SENP6: variants seen among roughly 807,000 people sequenced by gnomAD.
SENP6 encodes the protein sentrin-specific protease 6.
In SENP6, 41 loss-of-function variants were observed where a neutral mutation model predicts 134.5. That is an observed-to-expected ratio of 0.30 (90% CI 0.24 to 0.40). The LOEUF (loss-of-function observed/expected upper bound fraction) is 0.40. SENP6 is among the 10% of genes least tolerant of loss of function. SENP6 has a pLI of 1.00. For synonymous variants in SENP6, 395 were observed against 429.8 expected (o/e 0.92, Z 1.00); for missense variants, 1,248 against 1,312.5 (o/e 0.95, Z 0.76).
chr6:75,695,824 T>G lies in SENP6; in HGVS notation c.2096T>G (p.Leu699Arg). ...FYLKYLVLEK[L>R]KKEDADRIHI... ...AATAGATACTTGGTGCTTGAAAAAC[T>G]GAAGAAGGAAGACGCTGACCGAATT... Residue 699 changes from leucine (L) to arginine (R), a missense_variant, in exon 17 of 24, where the codon CTG becomes CGG. Physicochemically the swap from Leu to Arg is moderately radical, Grantham distance 102. Around this residue, in one of 3 missense-constraint regions of SENP6, gnomAD observed 129 missense variants for 192.0 expected, o/e 0.67. Coordinates refer to ENST00000447266, the MANE Select transcript of SENP6 (RefSeq NM_015571.4). 2 of 1,595,274 alleles carry G rather than the reference T, an allele frequency of 1.3e-6. No individual in the cohort carries two copies. Among genetic ancestry groups the G allele is most frequent in the Non-Finnish European group, 8.5e-7 (1 of 1,171,848 alleles).
chr6:75,665,253 T>A (rs1042557028), intron 9 of SENP6, among the ~76,000 whole-genome samples: 1 of 150,282 alleles, frequency 6.7e-6, no homozygotes, highest in Non-Finnish European at 1.5e-5. Flanking sequence ...GCCACTGCGC[T>A]CCAGCCTGGG....
chr6:75,677,381 CT>C (rs1773163296), intron 14 of SENP6, 125 bp downstream of exon 14: 1 of 765,606 alleles, frequency 1.3e-6, no homozygotes, highest in African/African-American at 1.8e-5. Flanking sequence ...GAATTACTTA[CT>C]TTTATGTGTG....
intron 8 of SENP6, among the ~76,000 whole-genome samples, chr6:75,660,080 A>G (rs2149861666): frequency 6.6e-6 from 1 of 152,318 alleles, no homozygotes; most frequent in Non-Finnish European, 1.5e-5. Context: ...CTTTCAATAG[A>G]AATAATTTCA....
Position 75,634,814 on chromosome 6 carries a change from A to G in SENP6, c.458+3A>G. 6.4e-7 allele frequency: 1 copy of G among 1,561,366 alleles called. No individual in the cohort carries two copies. Among genetic ancestry groups the G allele is most frequent in the South Asian group, 1.2e-5 (1 of 86,052 alleles). ...GTAGTAAAAACAGCAGCCCAAAGGT[A>G]AGAATTCTAATTGTCTTTGGTTAGT... On this transcript the variant is annotated splice_donor_region_variant and intron_variant, in intron 5 of 23. Transcript: ENST00000447266.
At chr6:75,681,210 T>A (rs1459853156) in intron 16 of SENP6, among the ~76,000 whole-genome samples, 1 of 152,070 alleles carries the variant, frequency 6.6e-6, no homozygotes, top group Non-Finnish European at 1.5e-5. Context: ...GGGGGCAGAT[T>A]TCCCCCTTTC....
In SENP6 at chr6:75,633,346, A is replaced by G. The variant is rs3737206; in HGVS notation, c.208-235A>G. 3.7e-3 allele frequency among the ~76,000 whole-genome samples: 564 copies of G among 152,310 alleles called. 13 individuals are homozygous for G. Among genetic ancestry groups the G allele is most frequent in the East Asian group, 0.029 (148 of 5,182 alleles). On this transcript the variant is annotated intron_variant, in intron 3 of 23. Transcript: ENST00000447266. ...CCTAATTGTCTCAAATATCTTTGGA[A>G]AGATTCACATGAAAAGAAAGTAATA...
chr6:75,640,694 C>A lies in SENP6; in HGVS notation c.469C>A (p.Arg157=). The A allele has an allele frequency of 6.6e-7, 1 of 1,516,320 alleles. No individual in the cohort carries two copies. The highest frequency in any genetic ancestry group is 1.4e-5 in the South Asian group (1 of 73,324). The allele number at this position is 1,516,320 out of a possible 1,614,324, so 93.9% of individuals were successfully genotyped here. Residue 157 remains arginine, a synonymous_variant, in exon 6 of 24, where the codon CGA becomes AGA. Transcript: ENST00000447266. The stretch of plus-strand genomic sequence containing the variant: ...TTTTCATGTTTTAAGCAGTCTGGAC[C>A]GAAAAGAAAGGTAAGCTTAATATTG... ...VKTAAQSSLD[R]KERKEYPPHV...
intron 6 of SENP6, chr6:75,647,413 C>T (rs1478315823): frequency 4.7e-6 from 1 of 211,634 alleles, no homozygotes; most frequent in African/African-American, 2.4e-5. Context: ...TACTACAAGA[C>T]TAAATACTTG....
At chr6:75,714,726 C>T (rs148973756) in intron 23 of SENP6, among the ~76,000 whole-genome samples, 187 of 152,276 alleles carry the variant, frequency 1.2e-3, no homozygotes, top group Non-Finnish European at 2.2e-3. Flanking sequence ...AACAGCCAGC[C>T]ACCTGAATGC....
chr6:75,639,741 A>G (rs1769884319), intron 5 of SENP6, among the ~76,000 whole-genome samples: 1 of 152,304 alleles, frequency 6.6e-6, no homozygotes, highest in Non-Finnish European at 1.5e-5. Context: ...TAAGAAGCCA[A>G]GATTTTAAAT....
intron 16 of SENP6, among the ~76,000 whole-genome samples, chr6:75,685,855 G>T (rs1158455538): frequency 6.6e-6 from 1 of 152,170 alleles, no homozygotes; most frequent in African/African-American, 2.4e-5. Flanking sequence ...GTGGTGCTGA[G>T]AAGAATGTAT....
chr6:75,705,925 CTTTTTTTTTTTTTTT>C (rs71544062), intron 19 of SENP6, among the ~76,000 whole-genome samples: 1 of 47,942 alleles, frequency 2.1e-5, no homozygotes, highest in Non-Finnish European at 3.5e-5. Context: ...ATTTTTGAGC[CTTTTTTTTTTTTTTT>C]TTTTTTTTTT....
intron 18 of SENP6, among the ~76,000 whole-genome samples, chr6:75,702,059 A>G: frequency 7.4e-6 from 1 of 134,262 alleles, no homozygotes; most frequent in South Asian, 2.6e-4. Context: ...TTTTCATTCC[A>G]AAAACAAGAA....
chr6:75,624,814 G>C (rs562493204), intron 3 of SENP6, among the ~76,000 whole-genome samples: 1 of 152,066 alleles, frequency 6.6e-6, no homozygotes, highest in East Asian at 1.9e-4. Flanking sequence ...TATTAAGATA[G>C]CATGATATGC....
At chr6:75,613,127 AG>A (rs1440888282) in intron 1 of SENP6, among the ~76,000 whole-genome samples, 1 of 151,150 alleles carries the variant, frequency 6.6e-6, no homozygotes, top group Non-Finnish European at 1.5e-5. Context: ...AAAAAAAAAA[AG>A]AAAAGAAAAC....
chr6:75,676,724 T>A (rs1283194114), intron 13 of SENP6: 1 of 201,546 alleles, frequency 5.0e-6, no homozygotes. Context: ...TATTATATCT[T>A]TAAGACTATA....
In SENP6 at chr6:75,682,602, G is replaced by A. The variant is rs62415584; in HGVS notation, c.2075+3675G>A. Among the ~76,000 whole-genome samples the A allele has an allele frequency of 3.7e-3, 561 of 152,100 alleles. 4 individuals carry two copies. Among genetic ancestry groups the A allele is most frequent in the Non-Finnish European group, 6.0e-3 (409 of 67,988 alleles). Reference sequence around the variant, plus strand: ...CCTGGTGTGTGATGTTCCCCGCCCTGTATCCAAGTGATCTCATTGTTCAGT... The same window carrying A: ...CCTGGTGTGTGATGTTCCCCGCCCTATATCCAAGTGATCTCATTGTTCAGT... On this transcript the variant is annotated intron_variant, in intron 16 of 23. Coordinates refer to ENST00000447266, the MANE Select transcript of SENP6 (RefSeq NM_015571.4).
In SENP6 at chr6:75,671,205, A is replaced by G. The variant is rs1434237539; in HGVS notation, c.1392+485A>G. The stretch of plus-strand genomic sequence containing the variant: ...TACTTACTATTCTGCCACCAATCCA[A>G]GTTTTTATTTTCTATTTGAAATTTT... On this transcript the variant is annotated intron_variant, in intron 11 of 23. Transcript: ENST00000447266. Among the ~76,000 whole-genome samples, 8 of 152,118 alleles carry G rather than the reference A, an allele frequency of 5.3e-5. No individual in the cohort carries two copies. The East Asian group carries it at 1.5e-3, about 29-fold the overall frequency.
intron 3 of SENP6, among the ~76,000 whole-genome samples, chr6:75,626,450 C>T (rs1013745519): frequency 7.9e-5 from 12 of 151,978 alleles, no homozygotes; most frequent in Non-Finnish European, 1.3e-4. Flanking sequence ...CACTCTACAG[C>T]AAAGTATTTA....
Sources: allele counts gnomAD v4.1 joint callset (sites outside exome capture counted in the v4.1 genomes callset), GRCh38; gene constraint gnomAD v4.1.1; regional missense constraint gnomAD v4.1.1; transcripts MANE v1.5; gene names NCBI Gene and HGNC (gene_info 2026-07-23, HGNC 2026-07-21).